Variants in TRIM2 observed in about 807,000 individuals in gnomAD.
TRIM2 encodes the protein tripartite motif containing 2, also known as tripartite motif-containing protein 2.
Under a neutral mutation model 75.2 loss-of-function variants are expected in TRIM2, and 20 were observed. The ratio of observed to expected loss-of-function variants is 0.27; its 90% CI spans 0.19 to 0.39. The LOEUF is 0.39. TRIM2 is among the 10% of genes least tolerant of loss of function. TRIM2 has a pLI of 1.00. For synonymous variants in TRIM2, 373 were observed against 388.3 expected, an observed-to-expected ratio of 0.96 and a Z score of 0.46; for missense variants, 660 against 990.8, an observed-to-expected ratio of 0.67 and a Z score of 4.48.
Position 153,273,370 on chromosome 4 carries a change from G to T in TRIM2, c.216-2523G>T, listed in dbSNP as rs1270709044. On this transcript the variant is annotated intron_variant, in intron 2 of 11. Transcript: ENST00000338700. ...GGCTCACTGCAAGCTCCACCTCCCG[G>T]GTTCACGCCATTCTCCTGCCTCAGC... is the stretch of plus-strand genomic sequence containing the variant. Among the ~76,000 whole-genome samples, 67 of 146,940 alleles carry T rather than the reference G, an allele frequency of 4.6e-4. 1 individual carries two copies. Among genetic ancestry groups the T allele is most frequent in the Middle Eastern group, 3.5e-3 (1 of 282 alleles).
intron 1 of TRIM2, among the ~76,000 whole-genome samples, chr4:153,226,338 C>A (rs1247765868): frequency 6.6e-6 from 1 of 152,178 alleles, no homozygotes; most frequent in African/African-American, 2.4e-5. Flanking sequence ...AAAATAAATA[C>A]CATATATGTC....
intron 1 of TRIM2, among the ~76,000 whole-genome samples, chr4:153,207,659 A>G (rs1354956421): frequency 6.6e-6 from 1 of 152,242 alleles, no homozygotes; most frequent in Non-Finnish European, 1.5e-5. Context: ...TCTCTGATTT[A>G]CTGGTGACAT....
intron 1 of TRIM2, among the ~76,000 whole-genome samples, chr4:153,230,071 C>G (rs575405249): frequency 4.3e-4 from 65 of 152,358 alleles, no homozygotes; most frequent in African/African-American, 1.5e-3. Flanking sequence ...CACCCCTGCC[C>G]GTGTCCTAGA....
At chr4:153,186,675 C>G (rs571808957) in intron 1 of TRIM2, among the ~76,000 whole-genome samples, 8 of 152,304 alleles carry the variant, frequency 5.3e-5, no homozygotes, top group South Asian at 2.1e-4. Flanking sequence ...GCCAAGTCCC[C>G]GAAAGGGGAA....
At chr4:153,177,974 G>A (rs1273697609) in intron 1 of TRIM2, among the ~76,000 whole-genome samples, 1 of 151,918 alleles carries the variant, frequency 6.6e-6, no homozygotes, top group African/African-American at 2.4e-5. Context: ...GCTAATTTTT[G>A]TATTTTTTGT....
rs772427601 is a variant in TRIM2, at chr4:153,294,498, T to G, written c.786+13T>G. ...CCTCAAACACAAAGTAAGACCAGAATCATTACAGATGTCCTGGAAGAGACA... is the reference window on the plus strand; with the variant it reads ...CCTCAAACACAAAGTAAGACCAGAAGCATTACAGATGTCCTGGAAGAGACA... On this transcript the variant is annotated intron_variant, in intron 5 of 11. Transcript: ENST00000338700. 1 of 1,610,986 alleles carries G rather than the reference T, an allele frequency of 6.2e-7. No homozygotes were observed. Among genetic ancestry groups the G allele is most frequent in the African/African-American group, 1.3e-5 (1 of 74,848 alleles).
chr4:153,192,799 G>A (rs1733347495), intron 1 of TRIM2, among the ~76,000 whole-genome samples: 2 of 151,962 alleles, frequency 1.3e-5, no homozygotes, highest in South Asian at 4.1e-4. Flanking sequence ...TTCCCAGACA[G>A]CCCATGGCAC....
intron 1 of TRIM2, among the ~76,000 whole-genome samples, chr4:153,257,042 T>C (rs932824697): frequency 6.6e-6 from 1 of 152,246 alleles, no homozygotes; most frequent in African/African-American, 2.4e-5. Flanking sequence ...CGCAAAGCTC[T>C]TCTCTAAATG....
intron 1 of TRIM2, among the ~76,000 whole-genome samples, chr4:153,174,120 C>A (rs1434511118): frequency 6.7e-6 from 1 of 150,020 alleles, no homozygotes; most frequent in Non-Finnish European, 1.5e-5. Context: ...GCAGAGATGA[C>A]AGCACCGTTT....
chr4:153,318,537 T>C (rs190979571), intron 8 of TRIM2, among the ~76,000 whole-genome samples: 2 of 152,290 alleles, frequency 1.3e-5, no homozygotes, highest in Non-Finnish European at 1.5e-5. Flanking sequence ...TTCTTCCCCC[T>C]TTTTTGCATT....
intron 1 of TRIM2, among the ~76,000 whole-genome samples, chr4:153,261,768 G>T (rs75066839): frequency 0.012 from 1,892 of 152,276 alleles, 27 homozygotes; most frequent in African/African-American, 0.043. Context: ...AAAGAGTGTG[G>T]ATAGTTTTCT....
intron 8 of TRIM2, among the ~76,000 whole-genome samples, chr4:153,317,805 A>C (rs1768019274): frequency 6.6e-6 from 1 of 151,998 alleles, no homozygotes; most frequent in Admixed American, 6.6e-5. Flanking sequence ...TCTACAAAAA[A>C]TAAAATTAGC....
In TRIM2 at chr4:153,295,875, G is replaced by A. The variant is rs777541972; in HGVS notation, c.1349G>A (p.Arg450Gln). 93 of 1,613,808 alleles carry A rather than the reference G, an allele frequency of 5.8e-5. No individual in the cohort carries two copies. Among genetic ancestry groups the A allele is most frequent in the Non-Finnish European group, 7.1e-5 (84 of 1,179,916 alleles). The change falls in exon 6 of 12, where the codon CGA becomes CAA. Residue 450 changes from arginine (R) to glutamine (Q), a missense_variant. Coordinates refer to ENST00000338700, the MANE Select transcript of TRIM2 (RefSeq NM_015271.5). The surrounding 1 kb of genome is among the most constrained non-coding windows in gnomAD (Gnocchi z 7.2). Reference protein sequence around the residue: ...RGSPFKLKVIRSADVSPTTEG... With the variant: ...RGSPFKLKVIQSADVSPTTEG... ...AGCCCGTTTAAGCTGAAAGTGATCC[G>A]ATCCGCTGATGTGTCTCCCACCACA...
At chr4:153,232,608 G>C (rs754652125) in intron 1 of TRIM2, among the ~76,000 whole-genome samples, 8 of 152,094 alleles carry the variant, frequency 5.3e-5, no homozygotes, top group Non-Finnish European at 8.8e-5. Flanking sequence ...CCAGCATGCA[G>C]AATATGCTGG....
intron 1 of TRIM2, among the ~76,000 whole-genome samples, chr4:153,244,068 C>T: frequency 6.6e-6 from 1 of 152,076 alleles, no homozygotes; most frequent in African/African-American, 2.4e-5. Context: ...AATACTCTTG[C>T]CTCAGCCTCC....
upstream of TRIM2, among the ~76,000 whole-genome samples, chr4:153,201,587 C>T (rs1734371711): frequency 6.6e-6 from 1 of 151,716 alleles, no homozygotes; most frequent in Non-Finnish European, 1.5e-5. Flanking sequence ...CTAGGGAGGC[C>T]CAAGCAGGAA....
chr4:153,314,191 C>A (rs61552229), intron 6 of TRIM2, among the ~76,000 whole-genome samples: 1 of 151,272 alleles, frequency 6.6e-6, no homozygotes. Flanking sequence ...CTAGCCGAGG[C>A]GGGCGGATCA....
intron 6 of TRIM2, chr4:153,308,015 T>C (rs1268320514): frequency 6.5e-6 from 5 of 766,928 alleles, no homozygotes; most frequent in Non-Finnish European, 1.2e-5. Context: ...TTTCCAGGTC[T>C]CCTTTAACCT....
At chr4:153,212,324 G>A (rs1737261272) in intron 1 of TRIM2, among the ~76,000 whole-genome samples, 1 of 152,138 alleles carries the variant, frequency 6.6e-6, no homozygotes, top group Non-Finnish European at 1.5e-5. Context: ...GTTATAAGTG[G>A]GAGGTACACA....
Sources: gnomAD v4.1 joint callset for allele counts (sites outside exome capture counted in the v4.1 genomes callset) on GRCh38, gnomAD v4.1.1 for gene constraint, Gnocchi (gnomAD v3.1) non-coding constraint, MANE v1.5 for transcripts, NCBI Gene and HGNC (gene_info 2026-07-23, HGNC 2026-07-21) for gene names.